The following AHNAK2 variants were observed in gnomAD, a reference collection of about 807,000 sequenced individuals.
The protein encoded by AHNAK2 is AHNAK nucleoprotein 2, also known as protein AHNAK2.
In AHNAK2, 18 loss-of-function variants were observed where a neutral mutation model predicts 30.7. That is an observed-to-expected ratio of 0.59 (90% CI 0.41 to 0.87). The LOEUF (loss-of-function observed/expected upper bound fraction) is 0.87. AHNAK2 is among the 40% of genes least tolerant of loss of function. The probability of loss-of-function intolerance (pLI) is 0.00; values close to 1 mark genes in which losing one functional copy is unlikely to be tolerated. For missense variants in AHNAK2, 8,604 were observed against 7,373.0 expected (o/e 1.17, Z -6.11); for synonymous variants, 3,590 against 3,073.8 (o/e 1.17, Z -5.56).
In AHNAK2 at chr14:104,948,462, A is replaced by G. The variant is rs763818675; in HGVS notation, c.6989T>C (p.Val2330Ala). Reference protein sequence around the residue: ...MPKFKMLSFGVSALGKSIEAS... With the variant: ...MPKFKMLSFGASALGKSIEAS... ...CTCGATGGACTTGCCAAGGGCAGAC[A>G]CCCCAAACGACAGCATCTTGAACTT... The change falls in exon 7 of 7, where the codon GTG becomes GCG. Residue 2330 changes from valine (V) to alanine (A), a missense_variant. Transcript: ENST00000333244. 6 of 1,610,502 alleles carry G rather than the reference A, an allele frequency of 3.7e-6. No homozygotes were observed. Among genetic ancestry groups the G allele is most frequent in the Admixed American group, 1.7e-5 (1 of 59,816 alleles).
chr14:104,942,950 C>T lies in AHNAK2; in HGVS notation c.12501G>A (p.Val4167=), dbSNP rs909482157. The T allele has an allele frequency of 4.3e-6, 7 of 1,613,238 alleles. No homozygotes were observed. The African/African-American group carries it at 9.4e-5, about 22-fold the overall frequency. ...DVSELKAKAD[V]SLPSMQGDLK... ...GGTCCCCCTGCATGGAGGGGAGGCT[C>T]ACGTCGGCTTTCGCCTTCAGCTCAG... The change falls in exon 7 of 7, where the codon GTG becomes GTA. Residue 4167 remains valine, a synonymous_variant. Transcript: ENST00000333244.
chr14:104,958,595 T>C (rs1398072175), intron 1 of AHNAK2, among the ~76,000 whole-genome samples: 1 of 131,716 alleles, frequency 7.6e-6, no homozygotes, highest in East Asian at 2.1e-4. Context: ...AATTCTGGAG[T>C]TGAAAATTTA....
At chr14:104,967,757 C>G (rs1194075809) in intron 1 of AHNAK2, among the ~76,000 whole-genome samples, 1 of 152,234 alleles carries the variant, frequency 6.6e-6, no homozygotes, top group Non-Finnish European at 1.5e-5. Flanking sequence ...GGAACACAAA[C>G]AGGAAGGGGG....
At chr14:104,972,718 C>T (rs565815383) in intron 1 of AHNAK2, among the ~76,000 whole-genome samples, 1 of 152,336 alleles carries the variant, frequency 6.6e-6, no homozygotes, top group East Asian at 1.9e-4. Context: ...GAACGCACCA[C>T]ACCCTGCCCC....
chr14:104,960,818 G>T (rs919193903), intron 1 of AHNAK2, among the ~76,000 whole-genome samples: 21 of 152,146 alleles, frequency 1.4e-4, no homozygotes, highest in Non-Finnish European at 2.5e-4. Flanking sequence ...AACTGTAAAA[G>T]AAAAAGGTAA....
Position 104,952,316 on chromosome 14 carries a change from G to A in AHNAK2, c.3135C>T (p.Asp1045=), listed in dbSNP as rs754646845. The part of the protein sequence containing the change: ...PSMQGDLKTT[D]LSIQPASTDL... ...CAGTAGAAGCAGGCTGAATGCTGAGGTCAGTGGTCTTCAGGTCCCCCTGCA... is the reference window on the plus strand; with the variant it reads ...CAGTAGAAGCAGGCTGAATGCTGAGATCAGTGGTCTTCAGGTCCCCCTGCA... The change falls in exon 7 of 7, where the codon GAC becomes GAT. Residue 1045 remains aspartate, a synonymous_variant. Transcript: ENST00000333244. The A allele has an allele frequency of 2.5e-6, 4 of 1,612,490 alleles. No individual in the cohort carries two copies. The highest frequency in any genetic ancestry group is 1.1e-5 in the South Asian group (1 of 91,028).
chr14:104,949,304 A>G lies in AHNAK2; in HGVS notation c.6147T>C (p.Thr2049=), dbSNP rs548544001. ...CCGGGAGCTTCACATCCACCTGGCC[A>G]GTCTGGACCTTCAGGTCGGCAGAAG... The part of the protein sequence containing the change: ...QPPSADLKVQ[T]GQVDVKLPEG... Residue 2049 remains threonine (T), a synonymous_variant, in exon 7 of 7, where the codon ACT becomes ACC. Coordinates refer to ENST00000333244, the MANE Select transcript of AHNAK2 (RefSeq NM_138420.4). The G allele has an allele frequency of 9.4e-7, 1 of 1,066,196 alleles. No homozygotes were observed. The highest frequency in any genetic ancestry group is 1.4e-5 in the African/African-American group (1 of 69,128). 66.0% of individuals were successfully genotyped at this position (1,066,196 alleles called of 1,614,324 possible).
Position 104,944,499 on chromosome 14 carries a change from G to C in AHNAK2, c.10952C>G (p.Ser3651Trp). The change falls in exon 7 of 7, where the codon TCG becomes TGG. Residue 3651 changes from serine to tryptophan, a missense_variant. By Grantham distance (177) the Ser-to-Trp change is radical. Coordinates refer to ENST00000333244, the MANE Select transcript of AHNAK2 (RefSeq NM_138420.4). ...PKFKMPSFRV[S>W]APGKSMEASV... ...GGCCTCCATGGACTTCCCTGGGGCC[G>C]ATACCCTGAATGACGGCATCTTGAA... The C allele has an allele frequency of 6.2e-7, 1 of 1,612,882 alleles. No homozygotes were observed. Among genetic ancestry groups the C allele is most frequent in the Non-Finnish European group, 8.5e-7 (1 of 1,179,534 alleles).
Position 104,947,207 on chromosome 14 carries a change from G to A in AHNAK2, c.8244C>T (p.Gly2748=), listed in dbSNP as rs371509150. ...SFKMPEVDLK[G]PQIDVKGPNV... is the part of the protein sequence containing the mutation. Reference sequence around the variant, plus strand: ...TGGGGCCCTTAACATCTATCTGGGGGCCCTTGAGGTCCACTTCAGGCATCT... The same window carrying A: ...TGGGGCCCTTAACATCTATCTGGGGACCCTTGAGGTCCACTTCAGGCATCT... The change falls in exon 7 of 7, where the codon GGC becomes GGT. Residue 2748 remains glycine (G), a synonymous_variant. Coordinates refer to ENST00000333244, the MANE Select transcript of AHNAK2 (RefSeq NM_138420.4). 4.3e-6 allele frequency: 7 copies of A among 1,612,156 alleles called. 1 individual carries two copies. The African/African-American group carries it at 8.1e-5, about 19-fold the overall frequency.
Position 104,954,213 on chromosome 14 carries a change from C to G in AHNAK2, c.1238G>C (p.Gly413Ala), listed in dbSNP as rs1463578695. ...RLCEGTPQEGGLRAARLHGKT... is the reference protein window; with the variant it reads ...RLCEGTPQEGALRAARLHGKT... Reference sequence around the variant, plus strand: ...TCCATGGAGCCTGGCTGCCCTGAGTCCCCCTTCCTGAGGGGTTCCCTCGCA... The same window carrying G: ...TCCATGGAGCCTGGCTGCCCTGAGTGCCCCTTCCTGAGGGGTTCCCTCGCA... Residue 413 changes from glycine (G) to alanine (A), a missense_variant, in exon 7 of 7, where the codon GGA becomes GCA. Transcript: ENST00000333244. This position sits in a 1 kb window ranked among gnomAD's most constrained non-coding sequence, Gnocchi z 4.3. 4.3e-6 allele frequency: 7 copies of G among 1,610,884 alleles called. No homozygotes were observed. Among genetic ancestry groups the G allele is most frequent in the Admixed American group, 3.3e-5 (2 of 60,008 alleles).
In AHNAK2 at chr14:104,941,943, T is replaced by C. The variant is rs777576226; in HGVS notation, c.13508A>G (p.Gln4503Arg). The C allele has an allele frequency of 3.1e-6, 5 of 1,613,438 alleles. No homozygotes were observed. In the East Asian group the frequency reaches 8.9e-5, roughly 29 times the overall value. The change falls in exon 7 of 7, where the codon CAG becomes CGG. Residue 4503 changes from glutamine (Q) to arginine (R), a missense_variant. Physicochemically the swap from Gln to Arg is conservative, Grantham distance 43. Coordinates refer to ENST00000333244, the MANE Select transcript of AHNAK2 (RefSeq NM_138420.4). ...GAGGTCAGTGGTCTTGAGGTCCCCC[T>C]GCATGGAGGGAATGCTCATGTCGGC... ...MEADMSIPSM[Q>R]GDLKTTDLRI... is the part of the protein sequence containing the mutation.
In AHNAK2 at chr14:104,950,225, G is replaced by A. The variant is rs754086098; in HGVS notation, c.5226C>T (p.Pro1742=). The A allele has an allele frequency of 3.8e-6, 6 of 1,585,968 alleles. 1 individual carries two copies. Among genetic ancestry groups the A allele is most frequent in the Non-Finnish European group, 5.2e-6 (6 of 1,162,918 alleles). The part of the protein sequence containing the change: ...PEGAGFKGHL[P]KVQMPSLKMP... Reference sequence around the variant, plus strand: ...TCTTCAAACTGGGCATCTGCACCTTGGGGAGGTGCCCTTTGAAGCCGGCTC... The same window carrying A: ...TCTTCAAACTGGGCATCTGCACCTTAGGGAGGTGCCCTTTGAAGCCGGCTC... The change falls in exon 7 of 7, where the codon CCC becomes CCT. Residue 1742 remains proline (P), a synonymous_variant. Coordinates refer to ENST00000333244, the MANE Select transcript of AHNAK2 (RefSeq NM_138420.4).
At position 104,948,446 on chromosome 14, in the gene AHNAK2, C is replaced by T. The variant is rs748432150; in HGVS notation, c.7005G>A (p.Lys2335=). The T allele has an allele frequency of 9.9e-6, 16 of 1,611,004 alleles. 1 individual carries two copies. In the African/African-American group the frequency reaches 1.1e-4, roughly 11 times the overall value. ...ACACATCCGCTGAGGCCTCGATGGACTTGCCAAGGGCAGACACCCCAAACG... is the reference window on the plus strand; with the variant it reads ...ACACATCCGCTGAGGCCTCGATGGATTTGCCAAGGGCAGACACCCCAAACG... ...MLSFGVSALG[K]SIEASADVSA... Residue 2335 remains lysine (K), a synonymous_variant, in exon 7 of 7, where the codon AAG becomes AAA. Transcript: ENST00000333244.
chr14:104,969,108 C>T (rs921010224), intron 1 of AHNAK2, among the ~76,000 whole-genome samples: 124 of 152,332 alleles, frequency 8.1e-4, no homozygotes, highest in African/African-American at 2.9e-3. Context: ...ATAACTCTCT[C>T]GGGATGAGCT....
chr14:104,939,285 A>G lies in AHNAK2; in HGVS notation c.16166T>C (p.Leu5389Ser). The change falls in exon 7 of 7, where the codon TTA becomes TCA. Residue 5389 changes from leucine to serine, a missense_variant. Transcript: ENST00000333244. ...DSVLTVKFPK[L>S]MVPRFSFPAP... The stretch of plus-strand genomic sequence containing the variant: ...AGGGAAGGAGAACCTTGGTACCATT[A>G]ATTTGGGGAATTTGACAGTTAGGAC... 6.2e-7 allele frequency: 1 copy of G among 1,613,852 alleles called. No homozygotes were observed. The highest frequency in any genetic ancestry group is 1.6e-4 in the Middle Eastern group (1 of 6,062).
intron 1 of AHNAK2, among the ~76,000 whole-genome samples, chr14:104,964,915 G>A (rs954923150): frequency 6.6e-6 from 1 of 152,176 alleles, no homozygotes; most frequent in Non-Finnish European, 1.5e-5. Context: ...TGAAAATTTC[G>A]ATTGATTGGA....
In AHNAK2 at chr14:104,953,394, C is replaced by G; in HGVS notation, c.2057G>C (p.Gly686Ala). The change falls in exon 7 of 7, where the codon GGG becomes GCG. Residue 686 changes from glycine (G) to alanine (A), a missense_variant. Coordinates refer to ENST00000333244, the MANE Select transcript of AHNAK2 (RefSeq NM_138420.4). ...CATGGACTTGCCTGGGGCTGACGCC[C>G]CGAACAATGGCATCTTGAACTTGGG... ...KMPKFKMPLF[G>A]ASAPGKSMEA... 6.2e-7 allele frequency: 1 copy of G among 1,613,950 alleles called. No individual in the cohort carries two copies. The highest frequency in any genetic ancestry group is 8.5e-7 in the Non-Finnish European group (1 of 1,179,892).
At position 104,942,889 on chromosome 14, in the gene AHNAK2, C is replaced by G. The variant is rs772345280; in HGVS notation, c.12562G>C (p.Ala4188Pro). The part of the protein sequence containing the change: ...TTDLSIQSPS[A>P]DLEVQAGQVD... ...TGGCCAGCCTGGACCTCCAGGTCGG[C>G]GGAAGGGGACTGAATGCTGAGGTCA... The change falls in exon 7 of 7, where the codon GCC (alanine) becomes CCC (proline). Residue 4188 changes from alanine to proline, a missense_variant. Physicochemically the swap from Ala to Pro is conservative, Grantham distance 27. Transcript: ENST00000333244. The G allele has an allele frequency of 2.5e-6, 4 of 1,612,774 alleles. No homozygotes were observed. The highest frequency in any genetic ancestry group is 3.4e-6 in the Non-Finnish European group (4 of 1,179,526).
At chr14:104,963,816 C>T (rs1049605049) in intron 1 of AHNAK2, among the ~76,000 whole-genome samples, 17 of 135,118 alleles carry the variant, frequency 1.3e-4, no homozygotes, top group African/African-American at 2.6e-4. Flanking sequence ...GGCCACACAG[C>T]GAGACTCCGT....
Sources: allele counts gnomAD v4.1 joint callset (sites outside exome capture counted in the v4.1 genomes callset), GRCh38; gene constraint gnomAD v4.1.1; non-coding constraint Gnocchi (gnomAD v3.1); transcripts MANE v1.5; gene names NCBI Gene and HGNC (gene_info 2026-07-23, HGNC 2026-07-21).